Variants in CAMK2N1 observed in about 807,000 individuals in gnomAD.
CAMK2N1 encodes calcium/calmodulin-dependent protein kinase II inhibitor 1.
A neutral mutation model predicts 6.4 loss-of-function variants in CAMK2N1; 2 were observed. The observed-to-expected ratio is 0.31, with a 90% CI of 0.13 to 0.98. The LOEUF (loss-of-function observed/expected upper bound fraction) is 0.98, where lower values mean the gene tolerates loss of function less well. Among genes scored for constraint, CAMK2N1 ranks in the 50% least tolerant of loss-of-function variants. The pLI is 0.51. For synonymous variants in CAMK2N1, 42 were observed against 47.5 expected, an observed-to-expected ratio of 0.88 and a Z score of 0.47; for missense variants, 77 against 107.3, an observed-to-expected ratio of 0.72 and a Z score of 1.25.
Position 20,485,082 on chromosome 1 carries a change from G to T in CAMK2N1, c.166+132C>A. 9.5e-7 allele frequency: 1 copy of T among 1,052,430 alleles called. No individual in the cohort carries two copies. Among genetic ancestry groups the T allele is most frequent in the Non-Finnish European group, 1.3e-6 (1 of 772,140 alleles). 65.2% of individuals were successfully genotyped at this position (1,052,430 alleles called of 1,614,324 possible). A position where few individuals can be genotyped will look rare whatever the true frequency, so the allele number is the denominator to read the frequency against. ...CGCTTCAGCCGGACCCGCAGTGCGG[G>T]ATCCCCCAATTCTGCAAGAAGGGAT... On this transcript the variant is annotated intron_variant, in intron 1 of 1. Transcript: ENST00000375078. The surrounding 1 kb of genome is among the most constrained non-coding windows in gnomAD (Gnocchi z 8.4).
chr1:20,485,537 G>A lies in CAMK2N1; in HGVS notation c.-158C>T. 1 of 348,842 alleles carries A rather than the reference G, an allele frequency of 2.9e-6. No individual in the cohort carries two copies. Among genetic ancestry groups the A allele is most frequent in the Middle Eastern group, 1.5e-3 (1 of 672 alleles). 21.6% of individuals were successfully genotyped at this position (348,842 alleles called of 1,614,324 possible). A position where few individuals can be genotyped will look rare whatever the true frequency, so the allele number is the denominator to read the frequency against. On this transcript the variant is annotated 5_prime_UTR_variant, in exon 1 of 2. Coordinates refer to ENST00000375078, the MANE Select transcript of CAMK2N1 (RefSeq NM_018584.6). This position sits in a 1 kb window ranked among gnomAD's most constrained non-coding sequence, Gnocchi z 8.4. ...GCGAGAGGCCGGGGGACGCCGCTAGGGCAAGAGCGCGGCACTCGCGCGAGC... is the reference window on the plus strand; with the variant it reads ...GCGAGAGGCCGGGGGACGCCGCTAGAGCAAGAGCGCGGCACTCGCGCGAGC...
intron 1 of CAMK2N1, among the ~76,000 whole-genome samples, 173 bp from the exon 2 acceptor site, chr1:20,483,892 G>C (rs117622093): frequency 0.02 from 3,025 of 152,160 alleles, 97 homozygotes; most frequent in East Asian, 0.1. Flanking sequence ...TCCCTTCCCT[G>C]CTTTCCTCTG....
rs532438388 is a variant in CAMK2N1 at position 20,485,449 on chromosome 1, C to G, written c.-70G>C. ...CCCCGCCCGCGGCGGACAGGGTCAG[C>G]GGCGCTGGGGCCGGGGGCGGCCGGC... On this transcript the variant is annotated 5_prime_UTR_variant, in exon 1 of 2. Coordinates refer to ENST00000375078, the MANE Select transcript of CAMK2N1 (RefSeq NM_018584.6). This position sits in a 1 kb window ranked among gnomAD's most constrained non-coding sequence, Gnocchi z 8.4. 569 of 1,115,226 alleles carry G rather than the reference C, an allele frequency of 5.1e-4. No homozygotes were observed. The highest frequency in any genetic ancestry group is 5.6e-4 in the Non-Finnish European group (512 of 909,310). The allele number at this position is 1,115,226 out of a possible 1,614,324, so 69.1% of individuals were successfully genotyped here. A position where few individuals can be genotyped will look rare whatever the true frequency, so the allele number is the denominator to read the frequency against.
rs71010558 is a variant in CAMK2N1 at position 20,482,856 on chromosome 1, C to CGTGTGTGTGTGTGTGTGTGTGT, written c.*771_*792dup. 1 of 146,388 alleles carries CGTGTGTGTGTGTGTGTGTGTGT rather than the reference C, an allele frequency of 6.8e-6. No individual in the cohort carries two copies. Among genetic ancestry groups the CGTGTGTGTGTGTGTGTGTGTGT allele is most frequent in the Admixed American group, 6.8e-5 (1 of 14,720 alleles). 9.1% of individuals were successfully genotyped at this position (146,388 alleles called of 1,614,324 possible). A position where few individuals can be genotyped will look rare whatever the true frequency, so the allele number is the denominator to read the frequency against. On this transcript the variant is annotated 3_prime_UTR_variant, in exon 2 of 2. Coordinates refer to ENST00000375078, the MANE Select transcript of CAMK2N1 (RefSeq NM_018584.6). ...CTCAAGCATTTTTTTCTTTGTTTTT[C>CGTGTGTGTGTGTGTGTGTGTGT]GTGTGTGTGTGTGTGTGTGTGTGTG... is the stretch of plus-strand genomic sequence containing the variant.
rs747846006 is a variant in CAMK2N1, at chr1:20,485,323, G to A, written c.57C>T (p.Gly19=). ...GGCAGGAGAAGATCTGGCCCACGTC[G>A]CCGCCGTCGCCGTAGGGGCTCAGCT... ...DEKLSPYGDG[G]DVGQIFSCRL... The change falls in exon 1 of 2, where the codon GGC becomes GGT. Residue 19 remains glycine (G), a synonymous_variant. Transcript: ENST00000375078. The surrounding 1 kb of genome is among the most constrained non-coding windows in gnomAD (Gnocchi z 8.4). The A allele has an allele frequency of 3.2e-6, 5 of 1,579,450 alleles. No homozygotes were observed. The highest frequency in any genetic ancestry group is 3.4e-6 in the Non-Finnish European group (4 of 1,165,998).
Position 20,485,699 on chromosome 1 carries a change from CGCGAGCCGGGAGGGAGGAGACGTCCCT to C in CAMK2N1, c.-347_-321del, listed in dbSNP as rs1015754733. On this transcript the variant is annotated 5_prime_UTR_variant, in exon 1 of 2. Transcript: ENST00000375078. This position sits in a 1 kb window ranked among gnomAD's most constrained non-coding sequence, Gnocchi z 8.4. ...GGGCGGGGGCCGGGCCGGGCGGGGC[CGCGAGCCGGGAGGGAGGAGACGTCCCT>C]GCGAGCCCGGAGGGCGCGGGACCGA... 1.3e-5 allele frequency: 2 copies of C among 151,004 alleles called. No homozygotes were observed. Among genetic ancestry groups the C allele is most frequent in the African/African-American group, 4.9e-5 (2 of 41,044 alleles). 9.4% of individuals were successfully genotyped at this position (151,004 alleles called of 1,614,324 possible). A position where few individuals can be genotyped will look rare whatever the true frequency, so the allele number is the denominator to read the frequency against.
chr1:20,483,624 C>T lies in CAMK2N1; in HGVS notation c.*25G>A. ...CTGTTACCGCCGTTCTTATTCTCTC[C>T]CTTAACTCATTGTCTTTGGGGGAGT... On this transcript the variant is annotated 3_prime_UTR_variant, in exon 2 of 2. Transcript: ENST00000375078. The T allele has an allele frequency of 6.3e-7, 1 of 1,597,890 alleles. No individual in the cohort carries two copies. The highest frequency in any genetic ancestry group is 2.2e-5 in the East Asian group (1 of 44,808).
rs775657603 is a variant in CAMK2N1, at chr1:20,485,419, C to G, written c.-40G>C. ...GCTCCGCCGCGGCGCCTCCTCCGCC[C>G]GCGTCCCCGCCCGCGGCGGACAGGG... On this transcript the variant is annotated 5_prime_UTR_variant, in exon 1 of 2. Coordinates refer to ENST00000375078, the MANE Select transcript of CAMK2N1 (RefSeq NM_018584.6). The surrounding 1 kb of genome is among the most constrained non-coding windows in gnomAD (Gnocchi z 8.4). The G allele has an allele frequency of 1.6e-4, 207 of 1,257,140 alleles. No individual in the cohort carries two copies. Among genetic ancestry groups the G allele is most frequent in the Non-Finnish European group, 2.0e-4 (201 of 996,770 alleles). 77.9% of individuals were successfully genotyped at this position (1,257,140 alleles called of 1,614,324 possible).
In CAMK2N1 at chr1:20,484,347, G is replaced by C. The variant is rs372461825; in HGVS notation, c.167-628C>G. 1 of 152,454 alleles carries C rather than the reference G, an allele frequency of 6.6e-6. No homozygotes were observed. The highest frequency in any genetic ancestry group is 1.9e-4 in the East Asian group (1 of 5,184). The allele number at this position is 152,454 out of a possible 1,614,324, so 9.4% of individuals were successfully genotyped here. A position where few individuals can be genotyped will look rare whatever the true frequency, so the allele number is the denominator to read the frequency against. On this transcript the variant is annotated intron_variant, in intron 1 of 1. Transcript: ENST00000375078. The surrounding 1 kb of genome is among the most constrained non-coding windows in gnomAD (Gnocchi z 6.8). ...TCGCTGCCTGCCAGGGACACATGCC[G>C]TAACCTCGGCCTCTCTTACCGTCTC...
chr1:20,483,521 G>C lies in CAMK2N1; in HGVS notation c.*128C>G. ...GTCTCCCGGCCTGATACCAGATACAGGTTGTTGATTTCATCGTGGGTAGCA... is the reference window on the plus strand; with the variant it reads ...GTCTCCCGGCCTGATACCAGATACACGTTGTTGATTTCATCGTGGGTAGCA... On this transcript the variant is annotated 3_prime_UTR_variant, in exon 2 of 2. Transcript: ENST00000375078. The C allele has an allele frequency of 2.5e-6, 2 of 794,070 alleles. No individual in the cohort carries two copies. The highest frequency in any genetic ancestry group is 3.1e-5 in the South Asian group (2 of 64,192). 49.2% of individuals were successfully genotyped at this position (794,070 alleles called of 1,614,324 possible). A position where few individuals can be genotyped will look rare whatever the true frequency, so the allele number is the denominator to read the frequency against.
chr1:20,486,210 T>A lies in CAMK2N1; in HGVS notation c.-831A>T, dbSNP rs1570323953. Reference sequence around the variant, plus strand: ...GGAGGCAGCGAGCTGCGAGGAGAAATGCCGGCCGCGGCGCCGAGGCGAGGC... The same window carrying A: ...GGAGGCAGCGAGCTGCGAGGAGAAAAGCCGGCCGCGGCGCCGAGGCGAGGC... On this transcript the variant is annotated 5_prime_UTR_variant, in exon 1 of 2. Transcript: ENST00000375078. The surrounding 1 kb of genome is among the most constrained non-coding windows in gnomAD (Gnocchi z 6.5). The A allele has an allele frequency of 8.0e-6, 1 of 124,714 alleles. No homozygotes were observed. The highest frequency in any genetic ancestry group is 1.6e-5 in the Non-Finnish European group (1 of 60,750). 7.7% of individuals were successfully genotyped at this position (124,714 alleles called of 1,614,324 possible). A position where few individuals can be genotyped will look rare whatever the true frequency, so the allele number is the denominator to read the frequency against.
At position 20,484,104 on chromosome 1, in the gene CAMK2N1, C is replaced by T. The variant is rs2051490579; in HGVS notation, c.167-385G>A. On this transcript the variant is annotated intron_variant, in intron 1 of 1. Coordinates refer to ENST00000375078, the MANE Select transcript of CAMK2N1 (RefSeq NM_018584.6). This position sits in a 1 kb window ranked among gnomAD's most constrained non-coding sequence, Gnocchi z 6.8. ...AGCCAAAGTCTTTGGGTCTCGGGACCCCAGGTAAGTCCCGAGCGCAGCTCC... is the reference window on the plus strand; with the variant it reads ...AGCCAAAGTCTTTGGGTCTCGGGACTCCAGGTAAGTCCCGAGCGCAGCTCC... 6.6e-6 allele frequency among the ~76,000 whole-genome samples: 1 copy of T among 152,182 alleles called. No homozygotes were observed. Among genetic ancestry groups the T allele is most frequent in the Non-Finnish European group, 1.5e-5 (1 of 68,024 alleles).
Position 20,485,149 on chromosome 1 carries a change from GC to G in CAMK2N1, c.166+64del. 6.6e-7 allele frequency: 1 copy of G among 1,506,076 alleles called. No homozygotes were observed. Among genetic ancestry groups the G allele is most frequent in the Non-Finnish European group, 8.9e-7 (1 of 1,126,694 alleles). 93.3% of individuals were successfully genotyped at this position (1,506,076 alleles called of 1,614,324 possible). On this transcript the variant is annotated intron_variant, in intron 1 of 1. Coordinates refer to ENST00000375078, the MANE Select transcript of CAMK2N1 (RefSeq NM_018584.6). The surrounding 1 kb of genome is among the most constrained non-coding windows in gnomAD (Gnocchi z 8.4). ...GGGCTCCAGCGGGTGGGAGACCTCCGCAACCCTTGTTCAGGCCGCGGCGCGG... is the reference window on the plus strand; with the variant it reads ...GGGCTCCAGCGGGTGGGAGACCTCCGAACCCTTGTTCAGGCCGCGGCGCGG...
rs2051499345 is a variant in CAMK2N1, at chr1:20,485,040, G to A, written c.166+174C>T. On this transcript the variant is annotated intron_variant, in intron 1 of 1. Coordinates refer to ENST00000375078, the MANE Select transcript of CAMK2N1 (RefSeq NM_018584.6). The surrounding 1 kb of genome is among the most constrained non-coding windows in gnomAD (Gnocchi z 8.4). ...CCCAGCCGGGGATCCGGCTTAGGGGGACGCGTTCCTGCGACCCGCTTCAGC... is the reference window on the plus strand; with the variant it reads ...CCCAGCCGGGGATCCGGCTTAGGGGAACGCGTTCCTGCGACCCGCTTCAGC... 6.6e-6 allele frequency among the ~76,000 whole-genome samples: 1 copy of A among 152,228 alleles called. No homozygotes were observed. The highest frequency in any genetic ancestry group is 2.4e-5 in the African/African-American group (1 of 41,472).
chr1:20,485,153 C>A lies in CAMK2N1; in HGVS notation c.166+61G>T. The A allele has an allele frequency of 6.6e-7, 1 of 1,523,328 alleles. No individual in the cohort carries two copies. Among genetic ancestry groups the A allele is most frequent in the Non-Finnish European group, 8.8e-7 (1 of 1,137,328 alleles). 94.4% of individuals were successfully genotyped at this position (1,523,328 alleles called of 1,614,324 possible). ...TCCAGCGGGTGGGAGACCTCCGCAA[C>A]CCTTGTTCAGGCCGCGGCGCGGGAA... On this transcript the variant is annotated intron_variant, in intron 1 of 1. Coordinates refer to ENST00000375078, the MANE Select transcript of CAMK2N1 (RefSeq NM_018584.6). The surrounding 1 kb of genome is among the most constrained non-coding windows in gnomAD (Gnocchi z 8.4).
In CAMK2N1 at chr1:20,483,483, T is replaced by C; in HGVS notation, c.*166A>G. On this transcript the variant is annotated 3_prime_UTR_variant, in exon 2 of 2. Coordinates refer to ENST00000375078, the MANE Select transcript of CAMK2N1 (RefSeq NM_018584.6). ...AGCCTTCTCCTCCTCCTCCTCCTCC[T>C]CTCGCCTCATCTGTCTCCCGGCCTG... 1.7e-6 allele frequency: 1 copy of C among 578,252 alleles called. No homozygotes were observed. Among genetic ancestry groups the C allele is most frequent in the East Asian group, 3.0e-5 (1 of 33,584 alleles). 35.8% of individuals were successfully genotyped at this position (578,252 alleles called of 1,614,324 possible). A position where few individuals can be genotyped will look rare whatever the true frequency, so the allele number is the denominator to read the frequency against.
intron 1 of CAMK2N1, among the ~76,000 whole-genome samples, chr1:20,483,982 C>A (rs543164932): frequency 9.0e-4 from 137 of 152,376 alleles, no homozygotes; most frequent in Non-Finnish European, 1.5e-3. Context: ...CCAACCCAGC[C>A]GCTCCTGCTG....
In CAMK2N1 at chr1:20,484,626, T is replaced by A. The variant is rs895583053; in HGVS notation, c.166+588A>T. On this transcript the variant is annotated intron_variant, in intron 1 of 1. Coordinates refer to ENST00000375078, the MANE Select transcript of CAMK2N1 (RefSeq NM_018584.6). The surrounding 1 kb of genome is among the most constrained non-coding windows in gnomAD (Gnocchi z 6.8). ...CCCTCCATCCCTGCGTCTCAGTCTC[T>A]CTCTGCAGCCGTCGGTCCCCCTCAT... 6.6e-6 allele frequency: 1 copy of A among 151,888 alleles called. No individual in the cohort carries two copies. The highest frequency in any genetic ancestry group is 1.5e-5 in the Non-Finnish European group (1 of 68,108). The allele number at this position is 151,888 out of a possible 1,614,324, so 9.4% of individuals were successfully genotyped here. A position where few individuals can be genotyped will look rare whatever the true frequency, so the allele number is the denominator to read the frequency against.
Position 20,485,292 on chromosome 1 carries a change from G to T in CAMK2N1, c.88C>A (p.Gln30Lys). ...DVGQIFSCRL[Q>K]DTNNFFGAGQ... ...GCGCCGAAGAAGTTGTTGGTGTCCT[G>T]CAGGCGGCAGGAGAAGATCTGGCCC... Residue 30 changes from glutamine to lysine, a missense_variant, in exon 1 of 2, where the codon CAG becomes AAG. Transcript: ENST00000375078. The surrounding 1 kb of genome is among the most constrained non-coding windows in gnomAD (Gnocchi z 8.4). The T allele has an allele frequency of 6.3e-7, 1 of 1,596,896 alleles. No homozygotes were observed.
Sources: allele counts gnomAD v4.1 joint callset (sites outside exome capture counted in the v4.1 genomes callset), GRCh38; gene constraint gnomAD v4.1.1; non-coding constraint Gnocchi (gnomAD v3.1); transcripts MANE v1.5; gene names NCBI Gene and HGNC (gene_info 2026-07-23, HGNC 2026-07-21).